The following KCNC2 variants were observed in gnomAD, a reference collection of about 807,000 sequenced individuals.
KCNC2 encodes voltage-gated potassium channel KCNC2.
KCNC2 carries 21 observed loss-of-function variants against 44.5 expected under a neutral mutation model. That is an observed-to-expected ratio of 0.47 (90% CI 0.33 to 0.68). The LOEUF (loss-of-function observed/expected upper bound fraction) is 0.68, where lower values mean the gene tolerates loss of function less well. Ranked by LOEUF, KCNC2 falls within the 30% of genes least tolerant of loss-of-function variation. The probability of loss-of-function intolerance (pLI) is 0.01; values close to 1 mark genes in which losing one functional copy is unlikely to be tolerated. For synonymous variants in KCNC2, 391 were observed against 339.1 expected (o/e 1.15, Z -1.68); for missense variants, 589 against 826.2 (o/e 0.71, Z 3.52).
At chr12:75,156,464 G>A (rs1416615439) in intron 2 of KCNC2, among the ~76,000 whole-genome samples, 4 of 151,662 alleles carry the variant, frequency 2.6e-5, no homozygotes, top group Admixed American at 6.6e-5. Flanking sequence ...AATTGCATAT[G>A]CCTCGCACAG....
intron 2 of KCNC2, among the ~76,000 whole-genome samples, chr12:75,105,478 G>C (rs1350533632): frequency 6.6e-6 from 1 of 152,136 alleles, no homozygotes; most frequent in Admixed American, 6.6e-5. Flanking sequence ...TGAAGGATGT[G>C]TTTGTTTAAG....
At chr12:75,104,869 C>A (rs983831208) in intron 2 of KCNC2, among the ~76,000 whole-genome samples, 2 of 152,102 alleles carry the variant, frequency 1.3e-5, no homozygotes, top group Non-Finnish European at 2.9e-5. Flanking sequence ...ACTGGGGCAG[C>A]ACTTCCTTTT....
At chr12:75,192,872 G>A (rs533120075) in intron 2 of KCNC2, among the ~76,000 whole-genome samples, 1 of 151,934 alleles carries the variant, frequency 6.6e-6, no homozygotes, top group Non-Finnish European at 1.5e-5. Context: ...AAATAATAAT[G>A]CATTATATAT....
At chr12:75,173,446 C>T (rs1340319962) in intron 2 of KCNC2, among the ~76,000 whole-genome samples, 2 of 151,778 alleles carry the variant, frequency 1.3e-5, no homozygotes, top group Non-Finnish European at 2.9e-5. Context: ...CTGTAAACTA[C>T]ACTTTCCACT....
chr12:75,043,723 C>T (rs997874992), intron 4 of KCNC2: 4 of 1,429,392 alleles, frequency 2.8e-6, no homozygotes, highest in Middle Eastern at 1.8e-4. Context: ...ATTTAATCTT[C>T]CAGCTTTATA....
At chr12:75,055,648 A>T (rs1037786438) in intron 2 of KCNC2, among the ~76,000 whole-genome samples, 2 of 152,106 alleles carry the variant, frequency 1.3e-5, no homozygotes, top group African/African-American at 2.4e-5. Context: ...CTGTTAAAAT[A>T]TTGGCTTGTG....
At chr12:75,099,984 C>T (rs546216392) in intron 2 of KCNC2, among the ~76,000 whole-genome samples, 1 of 151,336 alleles carries the variant, frequency 6.6e-6, no homozygotes, top group African/African-American at 2.4e-5. Flanking sequence ...TTTTTCAGAA[C>T]CTCTGGGCTA....
rs1879763641 is a variant in KCNC2, at chr12:75,040,285, A to G, written c.*2820T>C. 6.6e-6 allele frequency: 1 copy of G among 152,036 alleles called. No individual in the cohort carries two copies. The highest frequency in any genetic ancestry group is 2.4e-5 in the African/African-American group (1 of 41,434). 9.4% of individuals were successfully genotyped at this position (152,036 alleles called of 1,614,324 possible). A position where few individuals can be genotyped will look rare whatever the true frequency, so the allele number is the denominator to read the frequency against. ...CCCAGGGGAACTAATAGACTCTGAA[A>G]ATATTGATTAAGCAAGATGTAAAAA... On this transcript the variant is annotated 3_prime_UTR_variant, in exon 5 of 5. Transcript: ENST00000549446.
At chr12:75,177,572 A>G (rs1256737371) in intron 2 of KCNC2, among the ~76,000 whole-genome samples, 2 of 152,038 alleles carry the variant, frequency 1.3e-5, no homozygotes, top group Non-Finnish European at 2.9e-5. Context: ...GCAAGTGGCC[A>G]GTTCATTCAA....
chr12:75,202,936 A>T (rs2031405193), intron 2 of KCNC2, among the ~76,000 whole-genome samples: 2 of 151,634 alleles, frequency 1.3e-5, no homozygotes, highest in Non-Finnish European at 3.0e-5. Flanking sequence ...AAGGCAAAGG[A>T]TTATATCTTC....
At chr12:75,155,824 C>G (rs965166830) in intron 2 of KCNC2, among the ~76,000 whole-genome samples, 1 of 151,648 alleles carries the variant, frequency 6.6e-6, no homozygotes, top group Non-Finnish European at 1.5e-5. Context: ...GCTTTAGATA[C>G]AGTTTATCAG....
At chr12:75,190,483 T>C (rs2030094620) in intron 2 of KCNC2, among the ~76,000 whole-genome samples, 1 of 152,222 alleles carries the variant, frequency 6.6e-6, no homozygotes, top group Non-Finnish European at 1.5e-5. Flanking sequence ...TTTGGGGTCT[T>C]GTCTGTGCTC....
chr12:75,137,104 A>T (rs1051951165), intron 2 of KCNC2, among the ~76,000 whole-genome samples: 2 of 152,146 alleles, frequency 1.3e-5, no homozygotes, highest in Non-Finnish European at 2.9e-5. Context: ...TGCAAAATCT[A>T]ACAGACACTT....
In KCNC2 at chr12:75,120,090, C is replaced by G. The variant is rs570569977; in HGVS notation, c.688-68773G>C. Among the ~76,000 whole-genome samples, 7 of 152,268 alleles carry G rather than the reference C, an allele frequency of 4.6e-5. 1 individual carries two copies. In the South Asian group the frequency reaches 1.4e-3, roughly 32 times the overall value. On this transcript the variant is annotated intron_variant, in intron 2 of 4. Coordinates refer to ENST00000549446, the MANE Select transcript of KCNC2 (RefSeq NM_139137.4). The stretch of plus-strand genomic sequence containing the variant: ...ACTGGGGATTCAAATGCAATAAATA[C>G]AGAATGAATAAAACAGAAGGCTAAG...
chr12:75,207,154 A>T lies in KCNC2; in HGVS notation c.687+143T>A. The T allele has an allele frequency of 2.1e-6, 3 of 1,406,806 alleles. No individual in the cohort carries two copies. Among genetic ancestry groups the T allele is most frequent in the Non-Finnish European group, 2.8e-6 (3 of 1,074,096 alleles). 87.1% of individuals were successfully genotyped at this position (1,406,806 alleles called of 1,614,324 possible). On this transcript the variant is annotated intron_variant, in intron 2 of 4. Coordinates refer to ENST00000549446, the MANE Select transcript of KCNC2 (RefSeq NM_139137.4). This position sits in a 1 kb window ranked among gnomAD's most constrained non-coding sequence, Gnocchi z 4.1. ...GGTCCCTGGGTTTACCCTGCAAAGG[A>T]TGAGCCTCTAACTGTATCGCTAGGA...
intron 2 of KCNC2, among the ~76,000 whole-genome samples, chr12:75,185,943 G>A (rs760537595): frequency 1.6e-4 from 24 of 151,844 alleles, no homozygotes; most frequent in Non-Finnish European, 3.5e-4. Context: ...CTACTTGGGA[G>A]GCTGAGACAA....
rs1401113125 is a variant in KCNC2 at position 75,040,348 on chromosome 12, G to A, written c.*2757C>T. Reference sequence around the variant, plus strand: ...TCATCTACAACAGTTTTAAAGACACGTACAAGCTTCATTTGCCACAAAACT... The same window carrying A: ...TCATCTACAACAGTTTTAAAGACACATACAAGCTTCATTTGCCACAAAACT... On this transcript the variant is annotated 3_prime_UTR_variant, in exon 5 of 5. Coordinates refer to ENST00000549446, the MANE Select transcript of KCNC2 (RefSeq NM_139137.4). The A allele has an allele frequency of 6.6e-6, 1 of 151,994 alleles. No individual in the cohort carries two copies. Among genetic ancestry groups the A allele is most frequent in the Admixed American group, 6.6e-5 (1 of 15,208 alleles). 9.4% of individuals were successfully genotyped at this position (151,994 alleles called of 1,614,324 possible).
intron 2 of KCNC2, among the ~76,000 whole-genome samples, chr12:75,096,733 A>G (rs139048583): frequency 6.6e-6 from 1 of 152,202 alleles, no homozygotes; most frequent in Non-Finnish European, 1.5e-5. Flanking sequence ...TTAGGAAATA[A>G]GCTTATTCAT....
intron 2 of KCNC2, among the ~76,000 whole-genome samples, chr12:75,147,291 A>AT: frequency 6.6e-6 from 1 of 152,090 alleles, no homozygotes; most frequent in South Asian, 2.1e-4. Flanking sequence ...TAAATGGAGA[A>AT]TTTTTTTTCG....
Sources: gnomAD v4.1 joint callset for allele counts (sites outside exome capture counted in the v4.1 genomes callset) on GRCh38, gnomAD v4.1.1 for gene constraint, Gnocchi (gnomAD v3.1) non-coding constraint, MANE v1.5 for transcripts, NCBI Gene and HGNC (gene_info 2026-07-23, HGNC 2026-07-21) for gene names.